Variants in HDAC7 observed in about 807,000 individuals in gnomAD.
HDAC7 encodes the protein histone deacetylase 7.
In HDAC7, 26 loss-of-function variants were observed where a neutral mutation model predicts 115.5. That is an observed-to-expected ratio of 0.23 (90% CI 0.16 to 0.31). The LOEUF is 0.31. HDAC7 is among the 10% of genes least tolerant of loss of function. The pLI, the probability that HDAC7 is intolerant of heterozygous loss-of-function variation, is 1.00. For synonymous variants in HDAC7, 564 were observed against 550.9 expected (o/e 1.02, Z -0.33); for missense variants, 1,068 against 1,329.0 (o/e 0.80, Z 3.05).
intron 20 of HDAC7, 111 bp downstream of exon 20, chr12:47,787,934 A>G (rs748854379): frequency 1.3e-6 from 2 of 1,559,822 alleles, no homozygotes; most frequent in African/African-American, 2.7e-5. Context: ...GTTTAGGATC[A>G]GAGAGGCTCA....
chr12:47,784,277 C>G (rs1943029050), intron 24 of HDAC7, 60 bp from the exon 25 acceptor site: 2 of 1,522,120 alleles, frequency 1.3e-6, no homozygotes, highest in Non-Finnish European at 8.8e-7. Context: ...ACACTGCGTC[C>G]TAGACCGGAT....
Position 47,797,565 on chromosome 12 carries a change from C to T in HDAC7, c.462-66G>A, listed in dbSNP as rs143336811. Reference sequence around the variant, plus strand: ...CACTGCACGGGCACTGCCCTGAGCACGGGCCCTGGGACCTGAGGGGGAGGC... The same window carrying T: ...CACTGCACGGGCACTGCCCTGAGCATGGGCCCTGGGACCTGAGGGGGAGGC... On this transcript the variant is annotated intron_variant, in intron 5 of 25. Transcript: ENST00000080059. This position sits in a 1 kb window ranked among gnomAD's most constrained non-coding sequence, Gnocchi z 5.5. 4.1e-5 allele frequency: 51 copies of T among 1,245,102 alleles called. 1 individual carries two copies. The highest frequency in any genetic ancestry group is 2.1e-4 in the East Asian group (9 of 42,566). 77.1% of individuals were successfully genotyped at this position (1,245,102 alleles called of 1,614,324 possible).
Position 47,797,310 on chromosome 12 carries a change from G to A in HDAC7, c.577+74C>T. ...GGCCCAGCCCAGCCCGCCCACCCCTGCACACTCCTCCCCCATGTCCGAGGC... is the reference window on the plus strand; with the variant it reads ...GGCCCAGCCCAGCCCGCCCACCCCTACACACTCCTCCCCCATGTCCGAGGC... On this transcript the variant is annotated intron_variant, in intron 6 of 25. Transcript: ENST00000080059. The surrounding 1 kb of genome is among the most constrained non-coding windows in gnomAD (Gnocchi z 5.5). 4.1e-6 allele frequency: 4 copies of A among 978,948 alleles called. No individual in the cohort carries two copies. Among genetic ancestry groups the A allele is most frequent in the Non-Finnish European group, 6.1e-6 (4 of 659,528 alleles). 60.6% of individuals were successfully genotyped at this position (978,948 alleles called of 1,614,324 possible). A position where few individuals can be genotyped will look rare whatever the true frequency, so the allele number is the denominator to read the frequency against.
In HDAC7 at chr12:47,786,504, T is replaced by C. The variant is rs570431229; in HGVS notation, c.2572+81A>G. 89 of 986,080 alleles carry C rather than the reference T, an allele frequency of 9.0e-5. No individual in the cohort carries two copies. The South Asian group carries it at 9.7e-4, about 11-fold the overall frequency. 61.1% of individuals were successfully genotyped at this position (986,080 alleles called of 1,614,324 possible). On this transcript the variant is annotated intron_variant, in intron 22 of 25. Transcript: ENST00000080059. Reference sequence around the variant, plus strand: ...GGGCTGGCCACTGCCACCTTCCCTTTCTGACTTGGGAGTGCCTCCCAACTC... The same window carrying C: ...GGGCTGGCCACTGCCACCTTCCCTTCCTGACTTGGGAGTGCCTCCCAACTC...
intron 16 of HDAC7, chr12:47,790,400 T>A (rs1268539215): frequency 6.1e-6 from 1 of 163,576 alleles, no homozygotes; most frequent in Admixed American, 5.8e-5. Flanking sequence ...GGGGGCATGA[T>A]GGGGAGATGG....
rs1474497863 is a variant in HDAC7, at chr12:47,783,350, A to C, written c.*491T>G. On this transcript the variant is annotated 3_prime_UTR_variant, in exon 26 of 26. Coordinates refer to ENST00000080059, the MANE Select transcript of HDAC7 (RefSeq NM_015401.5). The stretch of plus-strand genomic sequence containing the variant: ...AGCAGGTGAGAGGGACTACCCCTGC[A>C]CTCAGGAATATGGGACCTCTTGGCT... 1.7e-5 allele frequency: 3 copies of C among 176,590 alleles called. No individual in the cohort carries two copies. The highest frequency in any genetic ancestry group is 7.1e-5 in the African/African-American group (3 of 42,292). The allele number at this position is 176,590 out of a possible 1,614,324, so 10.9% of individuals were successfully genotyped here.
rs761047616 is a variant in HDAC7, at chr12:47,798,545, G to T, written c.349+17C>A. On this transcript the variant is annotated intron_variant, in intron 4 of 25. Transcript: ENST00000080059. This position sits in a 1 kb window ranked among gnomAD's most constrained non-coding sequence, Gnocchi z 4.3. ...GGCTGGTGGGGCTGGGCTGGGCTGGGGTGGCCACCTCCTTACTTCGCTTGC... is the reference window on the plus strand; with the variant it reads ...GGCTGGTGGGGCTGGGCTGGGCTGGTGTGGCCACCTCCTTACTTCGCTTGC... 2.9e-5 allele frequency: 47 copies of T among 1,611,098 alleles called. No individual in the cohort carries two copies. In the Middle Eastern group the frequency reaches 7.2e-4, roughly 25 times the overall value.
chr12:47,789,310 C>T lies in HDAC7; in HGVS notation c.2186G>A (p.Arg729Gln). ...GGCCTTGCTCTGCTGTTGCAGCTGC[C>T]GGCAGGCGATGGCCACTGAGTTGAA... ...CFFNSVAIACRQLQQQSKASK... is the reference protein window; with the variant it reads ...CFFNSVAIACQQLQQQSKASK... The change falls in exon 19 of 26, where the codon CGG becomes CAG. Residue 729 changes from arginine to glutamine, a missense_variant. Coordinates refer to ENST00000080059, the MANE Select transcript of HDAC7 (RefSeq NM_015401.5). The T allele has an allele frequency of 6.2e-6, 10 of 1,614,002 alleles. No individual in the cohort carries two copies. Among genetic ancestry groups the T allele is most frequent in the Non-Finnish European group, 8.5e-6 (10 of 1,180,004 alleles).
chr12:47,801,678 C>T (rs1289287539), intron 2 of HDAC7, among the ~76,000 whole-genome samples: 1 of 152,206 alleles, frequency 6.6e-6, no homozygotes, highest in Non-Finnish European at 1.5e-5. Flanking sequence ...GCGTCTAGTC[C>T]AGACCTGGCC....
In HDAC7 at chr12:47,802,210, G is replaced by A. The variant is rs1944199457; in HGVS notation, c.70+14C>T. 6.2e-7 allele frequency: 1 copy of A among 1,612,204 alleles called. No homozygotes were observed. Among genetic ancestry groups the A allele is most frequent in the Non-Finnish European group, 8.5e-7 (1 of 1,179,232 alleles). On this transcript the variant is annotated intron_variant, in intron 2 of 25. Coordinates refer to ENST00000080059, the MANE Select transcript of HDAC7 (RefSeq NM_015401.5). Reference sequence around the variant, plus strand: ...CCACTCCCTACCATGGACTCCCCCGGGTTTGACTCTTACCTGCGCCAGTGG... The same window carrying A: ...CCACTCCCTACCATGGACTCCCCCGAGTTTGACTCTTACCTGCGCCAGTGG...
chr12:47,790,227 G>C, intron 16 of HDAC7: 1 of 366,554 alleles, frequency 2.7e-6, no homozygotes, highest in Non-Finnish European at 5.2e-6. Flanking sequence ...TTGGGGTTTG[G>C]GCCGGGAGGG....
intron 21 of HDAC7, among the ~76,000 whole-genome samples, chr12:47,787,190 G>A (rs2136912644): frequency 6.6e-6 from 1 of 151,910 alleles, no homozygotes; most frequent in South Asian, 2.1e-4. Context: ...TAGGTCCTCT[G>A]AGGTTCTGCG....
At chr12:47,811,431 T>C (rs558045832) in intron 1 of HDAC7, among the ~76,000 whole-genome samples, 7 of 152,190 alleles carry the variant, frequency 4.6e-5, no homozygotes, top group Non-Finnish European at 1.0e-4. Context: ...GGGAATTCCG[T>C]TAAGATGAAA....
chr12:47,786,758 G>T, intron 21 of HDAC7, 55 bp from the exon 22 acceptor site: 2 of 1,440,574 alleles, frequency 1.4e-6, no homozygotes, highest in Non-Finnish European at 1.9e-6. Flanking sequence ...GCCAGGGGCG[G>T]TCCTGCCAAC....
At chr12:47,818,876 G>A (rs541080498) in intron 1 of HDAC7, among the ~76,000 whole-genome samples, 9 of 152,306 alleles carry the variant, frequency 5.9e-5, no homozygotes, top group African/African-American at 1.7e-4. Context: ...CAGCCACAGC[G>A]GGAAGCAATG....
chr12:47,796,426 CTTT>C (rs35550737), intron 7 of HDAC7, 128 bp from the exon 8 acceptor site: 903 of 460,886 alleles, frequency 2.0e-3, no homozygotes, highest in East Asian at 4.5e-3. Context: ...TTCCTGCTTT[CTTT>C]TTTTTTTTTT....
In HDAC7 at chr12:47,787,771, C is replaced by A; in HGVS notation, c.2394G>T (p.Val798=). The A allele has an allele frequency of 6.2e-7, 1 of 1,613,236 alleles. No homozygotes were observed. The highest frequency in any genetic ancestry group is 8.5e-7 in the Non-Finnish European group (1 of 1,179,772). The change falls in exon 21 of 26, where the codon GTG becomes GTT. Residue 798 remains valine, a synonymous_variant. Transcript: ENST00000080059. ...AGSGEGFNVN[V]AWAGGLDPPM... The stretch of plus-strand genomic sequence containing the variant: ...GGGGGTCCAGACCTCCAGCCCAGGC[C>A]ACATTGACATTGAAGCCCTCACCGC...
rs566353247 is a variant in HDAC7, at chr12:47,798,779, C to A, written c.258+6G>T. Reference sequence around the variant, plus strand: ...TGGCCCCACATGCAGGGAGCTCCATCTTTACCCTCATGGGCTCCACCGAGC... The same window carrying A: ...TGGCCCCACATGCAGGGAGCTCCATATTTACCCTCATGGGCTCCACCGAGC... On this transcript the variant is annotated splice_donor_region_variant and intron_variant, in intron 3 of 25. Transcript: ENST00000080059. The surrounding 1 kb of genome is among the most constrained non-coding windows in gnomAD (Gnocchi z 4.3). The A allele has an allele frequency of 1.2e-5, 19 of 1,555,386 alleles. No homozygotes were observed. The East Asian group carries it at 4.1e-4, about 34-fold the overall frequency.
At chr12:47,796,934 C>T in intron 7 of HDAC7, 83 bp downstream of exon 7, 1 of 1,445,420 alleles carries the variant, frequency 6.9e-7, no homozygotes, top group Non-Finnish European at 9.1e-7. Context: ...GGAGGGGACC[C>T]CTGTCTAGGT....
Sources: gnomAD v4.1 joint callset for allele counts (sites outside exome capture counted in the v4.1 genomes callset) on GRCh38, gnomAD v4.1.1 for gene constraint, Gnocchi (gnomAD v3.1) non-coding constraint, MANE v1.5 for transcripts, NCBI Gene and HGNC (gene_info 2026-07-23, HGNC 2026-07-21) for gene names.